Variants in DMD observed in about 807,000 individuals in gnomAD.
The protein encoded by DMD is mutant dystrophin.
A neutral mutation model predicts 330.1 loss-of-function variants in DMD; 63 were observed. The ratio of observed to expected loss-of-function variants is 0.19; its 90% CI spans 0.16 to 0.24. DMD has a LOEUF of 0.24. Ranked by LOEUF, DMD falls within the 10% of genes least tolerant of loss-of-function variation. DMD has a pLI of 1.00. For synonymous variants in DMD, 1,223 were observed against 959.8 expected (o/e 1.27, Z -5.07); for missense variants, 3,344 against 2,684.1 (o/e 1.25, Z -5.43).
At chrX:33,287,247 T>G (rs1433077432) in intron 1 of DMD, among the ~76,000 whole-genome samples, 1 of 111,269 alleles carries the variant, frequency 9.0e-6, no homozygotes, top group Non-Finnish European at 1.9e-5. Flanking sequence ...AATACAGGGT[T>G]TTTCAAAAGT....
intron 9 of DMD, among the ~76,000 whole-genome samples, chrX:32,676,332 A>T (rs1484479026): frequency 1.8e-5 from 2 of 111,229 alleles, no homozygotes; most frequent in Non-Finnish European, 3.8e-5. Context: ...CAGCTGAAAC[A>T]TGAAACCTCT....
chrX:32,817,487 C>G (rs776728918), intron 5 of DMD, among the ~76,000 whole-genome samples: 1 of 111,837 alleles, frequency 8.9e-6, no homozygotes, highest in Non-Finnish European at 1.9e-5. Flanking sequence ...TTCATGAATG[C>G]AGTGACGCTT....
chrX:32,093,386 G>T (rs887191533), intron 44 of DMD, among the ~76,000 whole-genome samples: 1 of 111,984 alleles, frequency 8.9e-6, no homozygotes, highest in Non-Finnish European at 1.9e-5. Context: ...TAGTGGGATT[G>T]CTGGATCATC....
chrX:33,107,087 G>A (rs906999016), intron 1 of DMD, among the ~76,000 whole-genome samples: 12 of 111,634 alleles, frequency 1.1e-4, no homozygotes, highest in East Asian at 8.4e-4. Flanking sequence ...AGAGGTGGGC[G>A]GATCACCTGA....
At chrX:32,675,008 C>A (rs1336150221) in intron 9 of DMD, among the ~76,000 whole-genome samples, 1 of 111,482 alleles carries the variant, frequency 9.0e-6, no homozygotes, top group Admixed American at 9.6e-5. Context: ...AACAATCATT[C>A]TAATATGTAC....
chrX:32,320,495 T>G (rs1241515950), intron 41 of DMD, among the ~76,000 whole-genome samples: 4 of 111,951 alleles, frequency 3.6e-5, no homozygotes, highest in Non-Finnish European at 7.5e-5. Context: ...CAATAGCTAC[T>G]TTATTGGACA....
At chrX:32,505,574 T>C (rs1251744674) in intron 18 of DMD, among the ~76,000 whole-genome samples, 1 of 111,929 alleles carries the variant, frequency 8.9e-6, no homozygotes, top group Non-Finnish European at 1.9e-5. Flanking sequence ...CAATGCAAAA[T>C]GGCACAGCCA....
chrX:32,821,636 T>G (rs2078267670), intron 5 of DMD, among the ~76,000 whole-genome samples: 1 of 110,265 alleles, frequency 9.1e-6, no homozygotes, highest in South Asian at 3.9e-4. Context: ...AAATTCAAGT[T>G]TACCGAATGA....
chrX:31,585,711 A>T (rs35520702), intron 55 of DMD, among the ~76,000 whole-genome samples: 10 of 110,933 alleles, frequency 9.0e-5, no homozygotes, highest in Non-Finnish European at 1.7e-4. Flanking sequence ...GCTGGCCTAA[A>T]TTGTTTTTGC....
chrX:32,582,142 G>A (rs1356784695), intron 13 of DMD, among the ~76,000 whole-genome samples: 1 of 111,096 alleles, frequency 9.0e-6, no homozygotes, highest in African/African-American at 3.3e-5. Flanking sequence ...TACTCCCATT[G>A]TACTAGAGTA....
In DMD at chrX:31,266,216, ATCTTTGACT is replaced by A. The variant is rs1240605024; in HGVS notation, c.9225-5209_9225-5201del. 3.2e-3 allele frequency among the ~76,000 whole-genome samples: 317 copies of A among 98,463 alleles called. 2 individuals are homozygous for A. Among genetic ancestry groups the A allele is most frequent in the African/African-American group, 0.012 (288 of 23,956 alleles). 85.5% of individuals were successfully genotyped at this position (98,463 alleles called of 115,157 possible). On this transcript the variant is annotated intron_variant, in intron 62 of 78. Transcript: ENST00000357033. ...CAAACAAAAATCCCCACCCCCTGAA[ATCTTTGACT>A]TCTGGGCTTTAGTTGTTTGTTCTTT...
intron 6 of DMD, among the ~76,000 whole-genome samples, chrX:32,813,244 T>G (rs1224813933): frequency 8.9e-6 from 1 of 112,191 alleles, no homozygotes; most frequent in East Asian, 2.8e-4. Context: ...ATTTTAAATA[T>G]CTATGACTTT....
At chrX:32,878,572 T>G (rs993670821) in intron 2 of DMD, among the ~76,000 whole-genome samples, 1 of 111,516 alleles carries the variant, frequency 9.0e-6, no homozygotes, top group African/African-American at 3.3e-5. Flanking sequence ...TACTACAGTA[T>G]CTGTATTACT....
intron 44 of DMD, among the ~76,000 whole-genome samples, chrX:32,136,905 A>C (rs6631502): frequency 9.2e-6 from 1 of 108,516 alleles, no homozygotes; most frequent in Admixed American, 9.9e-5. Context: ...ATTTACCTTA[A>C]GCTAGATGAC....
intron 25 of DMD, among the ~76,000 whole-genome samples, chrX:32,460,749 A>G (rs1472234534): frequency 9.0e-6 from 1 of 111,331 alleles, no homozygotes; most frequent in Admixed American, 9.6e-5. Context: ...TCTTCAGAAA[A>G]CACTCTACTG....
At chrX:32,521,137 T>C (rs762074320) in intron 17 of DMD, among the ~76,000 whole-genome samples, 6 of 112,003 alleles carry the variant, frequency 5.4e-5, no homozygotes, top group African/African-American at 1.9e-4. Context: ...TTTATTCTCT[T>C]ACTTTTGCTC....
At position 31,237,079 on chromosome X, in the gene DMD, C is replaced by T. The variant is rs1297768907; in HGVS notation, c.9287-13958G>A. ...CAAAATGAACCACAGTAGAAATTAACCTTAGTTACCATGGGAAAAGCAAAC... is the reference window on the plus strand; with the variant it reads ...CAAAATGAACCACAGTAGAAATTAATCTTAGTTACCATGGGAAAAGCAAAC... On this transcript the variant is annotated intron_variant, in intron 63 of 78. Transcript: ENST00000357033. 8.0e-5 allele frequency among the ~76,000 whole-genome samples: 9 copies of T among 111,913 alleles called. No individual in the cohort carries two copies. The Admixed American group carries it at 8.5e-4, about 11-fold the overall frequency.
rs188233950 is a variant in DMD at position 31,503,960 on chromosome X, T to C, written c.8390+3321A>G. Among the ~76,000 whole-genome samples, 15 of 111,263 alleles carry C rather than the reference T, an allele frequency of 1.3e-4. No individual in the cohort carries two copies. The East Asian group carries it at 4.2e-3, about 31-fold the overall frequency. ...TCTACTAGATTCTAATGATTAAATA[T>C]AACTTCATTAGAGCAGTGATTTTTT... is the stretch of plus-strand genomic sequence containing the variant. On this transcript the variant is annotated intron_variant, in intron 56 of 78. Coordinates refer to ENST00000357033, the MANE Select transcript of DMD (RefSeq NM_004006.3).
chrX:32,615,253 G>A (rs1010998431), intron 11 of DMD, among the ~76,000 whole-genome samples: 3 of 111,452 alleles, frequency 2.7e-5, no homozygotes, highest in African/African-American at 9.8e-5. Context: ...ACTAGAGAAA[G>A]GGTGCTTTTT....
Sources: gnomAD v4.1 joint callset for allele counts (sites outside exome capture counted in the v4.1 genomes callset) on GRCh38, gnomAD v4.1.1 for gene constraint, MANE v1.5 for transcripts, NCBI Gene and HGNC (gene_info 2026-07-23, HGNC 2026-07-21) for gene names.